The following MAGI2 variants were observed in gnomAD, a reference collection of about 807,000 sequenced individuals.
MAGI2 encodes membrane associated guanylate kinase, WW and PDZ domain containing 2.
Under a neutral mutation model 133.3 loss-of-function variants are expected in MAGI2, and 35 were observed. The ratio of observed to expected loss-of-function variants is 0.26; its 90% CI spans 0.20 to 0.35. The LOEUF (loss-of-function observed/expected upper bound fraction) is 0.35, where lower values mean the gene tolerates loss of function less well. MAGI2 is among the 10% of genes least tolerant of loss of function. The pLI, the probability that MAGI2 is intolerant of heterozygous loss-of-function variation, is 1.00. For missense variants in MAGI2, 1,636 were observed against 1,863.4 expected, an observed-to-expected ratio of 0.88 and a Z score of 2.25; for synonymous variants, 729 against 710.6, an observed-to-expected ratio of 1.03 and a Z score of -0.41.
At chr7:79,414,340 T>C (rs1205896367) in intron 1 of MAGI2, 1 of 152,162 alleles carries the variant, frequency 6.6e-6, no homozygotes, top group African/African-American at 2.4e-5. Flanking sequence ...CTCTCTTTTT[T>C]CTTCAAGTAC....
intron 21 of MAGI2, among the ~76,000 whole-genome samples, chr7:78,059,777 A>ATATTTT (rs368179491): frequency 0.047 from 6,925 of 145,958 alleles, 189 homozygotes; most frequent in South Asian, 0.07. Context: ...ATATATATAT[A>ATATTTT]TTTTTTTTCT....
At chr7:78,069,157 C>T (rs1277443499) in intron 21 of MAGI2, among the ~76,000 whole-genome samples, 2 of 152,064 alleles carry the variant, frequency 1.3e-5, no homozygotes, top group Admixed American at 1.3e-4. Context: ...GAATGGAGAG[C>T]AATTCAGACT....
rs114449880 is a variant in MAGI2 at position 78,110,309 on chromosome 7, T to C, written c.3567+15385A>G. Among the ~76,000 whole-genome samples, 840 of 152,322 alleles carry C rather than the reference T, an allele frequency of 5.5e-3. 13 individuals carry two copies. Among genetic ancestry groups the C allele is most frequent in the African/African-American group, 0.019 (803 of 41,570 alleles). On this transcript the variant is annotated intron_variant, in intron 20 of 21. Coordinates refer to ENST00000354212, the MANE Select transcript of MAGI2 (RefSeq NM_012301.4). ...GTCTTTTTCTTCCACAAGAGACTAA[T>C]TCAGCTGATACCATCCTAAAGACCA...
chr7:79,112,707 T>TC (rs1360067961), intron 1 of MAGI2, among the ~76,000 whole-genome samples: 1 of 152,166 alleles, frequency 6.6e-6, no homozygotes, highest in Non-Finnish European at 1.5e-5. Flanking sequence ...CCATTTTTTT[T>TC]GTACTTGTCA....
chr7:78,810,827 T>C, intron 2 of MAGI2, among the ~76,000 whole-genome samples: 2 of 152,098 alleles, frequency 1.3e-5, no homozygotes, highest in Middle Eastern at 7.0e-3. Context: ...AATAAGGGAG[T>C]GAAAAATAAA....
chr7:79,390,710 T>C (rs766256349), intron 1 of MAGI2, among the ~76,000 whole-genome samples: 1 of 152,192 alleles, frequency 6.6e-6, no homozygotes, highest in African/African-American at 2.4e-5. Context: ...CAATCCCCTC[T>C]TCCTATTCTT....
chr7:78,871,836 G>A (rs1795052830), intron 2 of MAGI2, among the ~76,000 whole-genome samples: 1 of 151,868 alleles, frequency 6.6e-6, no homozygotes, highest in Non-Finnish European at 1.5e-5. Flanking sequence ...AAAAAAAACT[G>A]AGTTCAGTTT....
intron 1 of MAGI2, among the ~76,000 whole-genome samples, chr7:79,168,202 C>G (rs1825133952): frequency 1.3e-5 from 2 of 152,014 alleles, no homozygotes; most frequent in African/African-American, 2.4e-5. Context: ...CTTTATACCT[C>G]TATATTTCTG....
chr7:78,450,442 CAAAT>C (rs1788604726), intron 6 of MAGI2, among the ~76,000 whole-genome samples: 1 of 152,000 alleles, frequency 6.6e-6, no homozygotes, highest in Non-Finnish European at 1.5e-5. Flanking sequence ...TTAATCAACT[CAAAT>C]AAGTGTTCCA....
chr7:79,084,822 G>C (rs1010016966), intron 1 of MAGI2, among the ~76,000 whole-genome samples: 2 of 151,690 alleles, frequency 1.3e-5, no homozygotes, highest in African/African-American at 4.8e-5. Context: ...TGAAAAGATA[G>C]TGTTGAATTT....
intron 2 of MAGI2, among the ~76,000 whole-genome samples, chr7:78,717,868 G>A (rs2151192732): frequency 6.6e-6 from 1 of 152,264 alleles, no homozygotes; most frequent in South Asian, 2.1e-4. Context: ...ATTAGTACTA[G>A]CATAAGTACT....
intron 7 of MAGI2, among the ~76,000 whole-genome samples, chr7:78,368,017 G>T (rs1173678513): frequency 6.6e-6 from 1 of 152,150 alleles, no homozygotes; most frequent in African/African-American, 2.4e-5. Context: ...TATGCTAGCA[G>T]ATTGCATGTG....
chr7:79,183,816 T>G (rs1335609037), intron 1 of MAGI2, among the ~76,000 whole-genome samples: 1 of 151,866 alleles, frequency 6.6e-6, no homozygotes, highest in Non-Finnish European at 1.5e-5. Flanking sequence ...TAAAAACAGG[T>G]AATTCTGTCA....
intron 1 of MAGI2, among the ~76,000 whole-genome samples, chr7:79,311,192 A>G (rs966836352): frequency 6.6e-6 from 1 of 152,058 alleles, no homozygotes; most frequent in African/African-American, 2.4e-5. Context: ...CTGAGTTCCC[A>G]TCTCACATGG....
intron 5 of MAGI2, among the ~76,000 whole-genome samples, chr7:78,492,425 T>C (rs542179318): frequency 2.0e-5 from 3 of 152,136 alleles, no homozygotes; most frequent in Non-Finnish European, 4.4e-5. Flanking sequence ...ACAGTATTTT[T>C]CAATAGTGGT....
In MAGI2 at chr7:79,355,344, CA is replaced by C. The variant is rs1427371567; in HGVS notation, c.301+97675del. Among the ~76,000 whole-genome samples the C allele has an allele frequency of 8.8e-5, 13 of 147,450 alleles. No homozygotes were observed. The South Asian group carries it at 1.5e-3, about 17-fold the overall frequency. On this transcript the variant is annotated intron_variant, in intron 1 of 21. Transcript: ENST00000354212. ...TGAAACAAACAAACAAATAAACAAACAAAAAAACAAACAAAAACAAAACAGG... is the reference window on the plus strand; with the variant it reads ...TGAAACAAACAAACAAATAAACAAACAAAAAACAAACAAAAACAAAACAGG...
chr7:78,634,642 G>T (rs1194698557), intron 2 of MAGI2, among the ~76,000 whole-genome samples: 1 of 152,144 alleles, frequency 6.6e-6, no homozygotes, highest in African/African-American at 2.4e-5. Flanking sequence ...TCTTGAAGTG[G>T]TTACTTACTT....
intron 2 of MAGI2, among the ~76,000 whole-genome samples, chr7:78,949,179 T>A (rs1212285249): frequency 6.6e-6 from 1 of 152,188 alleles, no homozygotes; most frequent in Non-Finnish European, 1.5e-5. Flanking sequence ...GAAGGATTTG[T>A]GTTTGCAACA....
intron 7 of MAGI2, among the ~76,000 whole-genome samples, chr7:78,361,299 CAG>C (rs1297529600): frequency 6.6e-6 from 1 of 150,678 alleles, no homozygotes; most frequent in Non-Finnish European, 1.5e-5. Context: ...GGGGCTGAGG[CAG>C]AGAACTGCTT....
Sources: allele counts gnomAD v4.1 joint callset (sites outside exome capture counted in the v4.1 genomes callset), GRCh38; gene constraint gnomAD v4.1.1; transcripts MANE v1.5; gene names NCBI Gene and HGNC (gene_info 2026-07-23, HGNC 2026-07-21).